EIF2D: variants seen among roughly 807,000 people sequenced by gnomAD.
The protein encoded by EIF2D is eukaryotic translation initiation factor 2D.
Under a neutral mutation model 77.4 loss-of-function variants are expected in EIF2D, and 56 were observed. The observed-to-expected ratio is 0.72, with a 90% confidence interval of 0.58 to 0.90. EIF2D has a LOEUF of 0.90. Among genes scored for constraint, EIF2D ranks in the 40% least tolerant of loss-of-function variants. EIF2D has a pLI of 0.00. For missense variants in EIF2D, 574 were observed against 706.5 expected, an observed-to-expected ratio of 0.81 and a Z score of 2.13; for synonymous variants, 230 against 271.0, an observed-to-expected ratio of 0.85 and a Z score of 1.49.
intron 11 of EIF2D, 88 bp from the exon 12 acceptor site, chr1:206,597,283 T>TTA: frequency 1.1e-6 from 1 of 917,984 alleles, no homozygotes; most frequent in Non-Finnish European, 1.7e-6. Context: ...TCGTACGGCC[T>TTA]TTATAGACAT....
intron 4 of EIF2D, among the ~76,000 whole-genome samples, chr1:206,580,357 C>T (rs1203042193): frequency 6.6e-6 from 1 of 152,208 alleles, no homozygotes; most frequent in Non-Finnish European, 1.5e-5. Flanking sequence ...CTTTCCATTA[C>T]TTATTTTTTA....
chr1:206,584,479 C>G lies in EIF2D; in HGVS notation c.139-3317G>C, dbSNP rs782647521. The G allele has an allele frequency of 5.6e-6, 9 of 1,614,082 alleles. No homozygotes were observed. The African/African-American group carries it at 6.7e-5, about 12-fold the overall frequency. ...CTGCTGGGATCCGGCCCCAGTCCAT[C>G]TATGATGCCATCAAGGAGGTGAACC... is the stretch of plus-strand genomic sequence containing the variant. On this transcript the variant is annotated intron_variant and NMD_transcript_variant, in intron 2 of 5. Transcript: ENST00000472709. This position sits in a 1 kb window ranked among gnomAD's most constrained non-coding sequence, Gnocchi z 4.9.
At chr1:206,607,594 A>G (rs2102303300) in intron 4 of EIF2D, among the ~76,000 whole-genome samples, 1 of 152,304 alleles carries the variant, frequency 6.6e-6, no homozygotes, top group South Asian at 2.1e-4. Context: ...TCCTGTCTGT[A>G]TGTAAACTGT....
chr1:206,582,109 A>G (rs1284899635), intron 2 of EIF2D, among the ~76,000 whole-genome samples: 2 of 151,982 alleles, frequency 1.3e-5, no homozygotes, highest in Admixed American at 1.3e-4. Flanking sequence ...CAGTTCCCAC[A>G]CTCCCAGCCA....
intron 4 of EIF2D, among the ~76,000 whole-genome samples, chr1:206,578,086 G>C (rs1668721743): frequency 6.6e-6 from 1 of 150,828 alleles, no homozygotes; most frequent in Admixed American, 6.6e-5. Flanking sequence ...AATTAGCCAG[G>C]AGTGTGGCAC....
chr1:206,580,949 C>T (rs944779), exon 3 of EIF2D: 25 of 151,980 alleles, frequency 1.6e-4, no homozygotes, highest in African/African-American at 6.0e-4. Flanking sequence ...TTTGGTTTAA[C>T]AGCTGCTCAT....
At chr1:206,574,348 C>T (rs1292822675) in intron 4 of EIF2D, among the ~76,000 whole-genome samples, 1 of 152,204 alleles carries the variant, frequency 6.6e-6, no homozygotes, top group African/African-American at 2.4e-5. Context: ...CCTGCAGACT[C>T]CCAAGGACAG....
chr1:206,612,239 G>A, intron 1 of EIF2D, 48 bp downstream of exon 1: 1 of 1,612,470 alleles, frequency 6.2e-7, no homozygotes. Context: ...CGGGGCCCAA[G>A]AGGTGTCTGG....
intron 2 of EIF2D, among the ~76,000 whole-genome samples, chr1:206,609,939 A>G (rs1553413530): frequency 6.6e-6 from 1 of 152,176 alleles, no homozygotes; most frequent in African/African-American, 2.4e-5. Context: ...GCCTAAGGAT[A>G]TTGCATTGCA....
At chr1:206,597,490 T>C (rs1308105122) in intron 11 of EIF2D, among the ~76,000 whole-genome samples, 1 of 152,108 alleles carries the variant, frequency 6.6e-6, no homozygotes, top group Non-Finnish European at 1.5e-5. Flanking sequence ...AATTGGCTAG[T>C]GAGGAAGAAA....
chr1:206,582,913 T>C (rs529602069), intron 2 of EIF2D, among the ~76,000 whole-genome samples: 1 of 152,310 alleles, frequency 6.6e-6, no homozygotes, highest in African/African-American at 2.4e-5. Context: ...CATAGCAGCT[T>C]TCCATAAGCA....
intron 4 of EIF2D, chr1:206,572,755 T>C (rs544737936): frequency 3.3e-5 from 5 of 152,220 alleles, no homozygotes; most frequent in Non-Finnish European, 5.9e-5. Context: ...TGTTTTAATA[T>C]AGGATATTGA....
chr1:206,598,159 T>C (rs1669741031), intron 11 of EIF2D, among the ~76,000 whole-genome samples: 1 of 151,924 alleles, frequency 6.6e-6, no homozygotes, highest in Admixed American at 6.6e-5. Context: ...CACCTCAACC[T>C]CCCAAGTGGC....
At chr1:206,578,873 A>C (rs1668761257) in intron 4 of EIF2D, among the ~76,000 whole-genome samples, 1 of 152,196 alleles carries the variant, frequency 6.6e-6, no homozygotes. Context: ...CATTGATTAG[A>C]GTGCAGAAGT....
Position 206,603,004 on chromosome 1 carries a change from T to A in EIF2D, c.731A>T (p.Asp244Val). 1 of 1,614,072 alleles carries A rather than the reference T, an allele frequency of 6.2e-7. No homozygotes were observed. The highest frequency in any genetic ancestry group is 8.5e-7 in the Non-Finnish European group (1 of 1,180,016). Reference sequence around the variant, plus strand: ...TTGGTTCAGGCCCCTGGTGCTGGTGTCTTCTGGGGCTTCTGAGAGAGACTT... The same window carrying A: ...TTGGTTCAGGCCCCTGGTGCTGGTGACTTCTGGGGCTTCTGAGAGAGACTT... Reference protein sequence around the residue: ...EDKSLSEAPEDTSTRGLNQDS... With the variant: ...EDKSLSEAPEVTSTRGLNQDS... Residue 244 changes from aspartate (D) to valine (V), a missense_variant, in exon 6 of 15, where the codon GAC (aspartate) becomes GTC (valine). Coordinates refer to ENST00000271764, the MANE Select transcript of EIF2D (RefSeq NM_006893.3).
intron 7 of EIF2D, 160 bp from the exon 8 acceptor site, chr1:206,600,468 T>C (rs6658201): frequency 0.46 from 284,595 of 625,188 alleles, 65,832 homozygotes; most frequent in African/African-American, 0.55. Context: ...CAGAGAGGGA[T>C]GCAGACTATG....
At chr1:206,573,923 C>T (rs116773612) in intron 4 of EIF2D, among the ~76,000 whole-genome samples, 1 of 152,234 alleles carries the variant, frequency 6.6e-6, no homozygotes, top group Non-Finnish European at 1.5e-5. Flanking sequence ...ATGGCCAGCA[C>T]AGGCCACCTG....
intron 2 of EIF2D, among the ~76,000 whole-genome samples, chr1:206,610,563 G>A (rs1353269379): frequency 6.6e-6 from 1 of 152,090 alleles, no homozygotes; most frequent in Middle Eastern, 3.2e-3. Context: ...GCTCACGTCT[G>A]TAATTCCAGC....
rs782702831 is a variant in EIF2D, at chr1:206,611,362, T to A, written c.69A>T (p.Arg23=). 18 of 1,613,492 alleles carry A rather than the reference T, an allele frequency of 1.1e-5. No individual in the cohort carries two copies. The highest frequency in any genetic ancestry group is 1.5e-5 in the Non-Finnish European group (18 of 1,179,622). ...TGGGGAAAGCAGTTGTCACATCAGCTCGAAGCTTTCTCCTGTGGAAAGCAC... is the reference window on the plus strand; with the variant it reads ...TGGGGAAAGCAGTTGTCACATCAGCACGAAGCTTTCTCCTGTGGAAAGCAC... ...AIKGSDRRKL[R]ADVTTAFPTL... The change falls in exon 2 of 15, where the codon CGA becomes CGT. Residue 23 remains arginine (R), a synonymous_variant. Coordinates refer to ENST00000271764, the MANE Select transcript of EIF2D (RefSeq NM_006893.3).
Sources: allele counts gnomAD v4.1 joint callset (sites outside exome capture counted in the v4.1 genomes callset), GRCh38; gene constraint gnomAD v4.1.1; non-coding constraint Gnocchi (gnomAD v3.1); transcripts MANE v1.5; gene names NCBI Gene and HGNC (gene_info 2026-07-23, HGNC 2026-07-21).